Variants in NXF1 observed in about 807,000 individuals in gnomAD.
The protein encoded by NXF1 is nuclear RNA export factor 1.
Under a neutral mutation model 92.4 loss-of-function variants are expected in NXF1, and 43 were observed. The ratio of observed to expected loss-of-function variants is 0.47; its 90% CI spans 0.36 to 0.60. The LOEUF (loss-of-function observed/expected upper bound fraction) is 0.60. Ranked by LOEUF, NXF1 falls within the 20% of genes least tolerant of loss-of-function variation. The pLI is 0.00. For synonymous variants in NXF1, 288 were observed against 292.2 expected, an observed-to-expected ratio of 0.99 and a Z score of 0.15; for missense variants, 576 against 793.0, an observed-to-expected ratio of 0.73 and a Z score of 3.29.
intron 11 of NXF1, 74 bp from the exon 12 acceptor site, chr11:62,797,460 G>GATC: frequency 7.3e-7 from 1 of 1,361,248 alleles, no homozygotes; most frequent in Non-Finnish European, 1.0e-6. Context: ...AGAACTTTGG[G>GATC]AGGCCGAGGC....
Position 62,801,312 on chromosome 11 carries a change from T to C in NXF1, c.798+17A>G. 1.9e-6 allele frequency: 3 copies of C among 1,613,420 alleles called. No individual in the cohort carries two copies. The highest frequency in any genetic ancestry group is 2.5e-6 in the Non-Finnish European group (3 of 1,179,352). On this transcript the variant is annotated intron_variant, in intron 8 of 20. Coordinates refer to ENST00000294172, the MANE Select transcript of NXF1 (RefSeq NM_006362.5). ...CACCCTGCTTCCTCATGCCTAATAC[T>C]GGGCCAAAGGCCTTACCTCAGGGAT...
rs573960061 is a variant in NXF1 at position 62,800,871 on chromosome 11, G to T, written c.906+223C>A. ...TGCAGCCTTGAACTCCTGAGCTCAA[G>T]CAATCCTCCCACCTCAGCCCCCTGG... On this transcript the variant is annotated intron_variant, in intron 9 of 20. Coordinates refer to ENST00000294172, the MANE Select transcript of NXF1 (RefSeq NM_006362.5). 4.9e-4 allele frequency among the ~76,000 whole-genome samples: 75 copies of T among 152,288 alleles called. 1 individual carries two copies. Among genetic ancestry groups the T allele is most frequent in the Middle Eastern group, 6.8e-3 (2 of 294 alleles).
intron 10 of NXF1, chr11:62,800,109 G>T: frequency 7.6e-7 from 1 of 1,321,676 alleles, no homozygotes. Flanking sequence ...AGGGTAGGGA[G>T]ATTCTAGAAA....
intron 7 of NXF1, 61 bp from the exon 8 acceptor site, chr11:62,801,478 G>A (rs1217910863): frequency 1.2e-5 from 20 of 1,605,358 alleles, no homozygotes; most frequent in Non-Finnish European, 1.7e-5. Flanking sequence ...GCCAGCATTA[G>A]CAGTAAAACA....
In NXF1 at chr11:62,793,819, TAA is replaced by T. The variant is rs56389050; in HGVS notation, c.1760+437_1760+438del. 9.9e-4 allele frequency among the ~76,000 whole-genome samples: 86 copies of T among 86,496 alleles called. 1 individual carries two copies. Among genetic ancestry groups the T allele is most frequent in the East Asian group, 3.5e-3 (11 of 3,102 alleles). 56.7% of individuals were successfully genotyped at this position (86,496 alleles called of 152,430 possible). Reference sequence around the variant, plus strand: ...CAACATGATGAAAGCCCGTCTCTACTAAAAAAAAAAAAAAAAAAAAAAAATAC... The same window carrying T: ...CAACATGATGAAAGCCCGTCTCTACTAAAAAAAAAAAAAAAAAAAAAATAC... On this transcript the variant is annotated intron_variant, in intron 19 of 20. Coordinates refer to ENST00000294172, the MANE Select transcript of NXF1 (RefSeq NM_006362.5).
chr11:62,800,667 A>G (rs2084469318), intron 9 of NXF1, among the ~76,000 whole-genome samples, 181 bp from the exon 10 acceptor site: 1 of 148,944 alleles, frequency 6.7e-6, no homozygotes, highest in Non-Finnish European at 1.5e-5. Context: ...CCGTGGCATG[A>G]TCATAGTTCA....
chr11:62,798,865 GC>G, intron 10 of NXF1: 3 of 1,232,122 alleles, frequency 2.4e-6, no homozygotes, highest in Non-Finnish European at 2.0e-6. Flanking sequence ...TCCCCTCCCT[GC>G]CCCCCTTACC....
intron 18 of NXF1, 39 bp downstream of exon 18, chr11:62,794,896 A>C: frequency 6.3e-7 from 1 of 1,590,452 alleles, no homozygotes; most frequent in Non-Finnish European, 8.6e-7. Context: ...TTGGCCATGG[A>C]TTAGGACTGG....
chr11:62,798,932 G>A (rs562427771), intron 10 of NXF1: 1 of 1,082,254 alleles, frequency 9.2e-7, no homozygotes, highest in Non-Finnish European at 1.1e-6. Flanking sequence ...GGAGCCCAGG[G>A]GCTCCGCTGC....
chr11:62,795,790 G>A (rs903255490), intron 17 of NXF1, 111 bp downstream of exon 17: 2 of 1,037,656 alleles, frequency 1.9e-6, no homozygotes, highest in Non-Finnish European at 3.0e-6. Context: ...ATGGGAGAAG[G>A]AGCTCAAAAA....
chr11:62,805,387 C>G lies in NXF1; in HGVS notation c.-31G>C. ...AGCGAAGATCAAGGGCGGGCTCAGG[C>G]GCTGGCCGCTACGCCGGCAAACAAC... On this transcript the variant is annotated 5_prime_UTR_variant, in exon 1 of 21. Coordinates refer to ENST00000294172, the MANE Select transcript of NXF1 (RefSeq NM_006362.5). 1.2e-6 allele frequency: 2 copies of G among 1,610,370 alleles called. No homozygotes were observed. The highest frequency in any genetic ancestry group is 1.7e-6 in the Non-Finnish European group (2 of 1,178,474).
chr11:62,802,689 G>T (rs536942138), intron 3 of NXF1, among the ~76,000 whole-genome samples: 1 of 152,092 alleles, frequency 6.6e-6, no homozygotes, highest in South Asian at 2.1e-4. Flanking sequence ...CCTCCACCTC[G>T]GCCTCTCAAA....
At chr11:62,803,112 A>T (rs2084497745) in intron 3 of NXF1, among the ~76,000 whole-genome samples, 1 of 152,096 alleles carries the variant, frequency 6.6e-6, no homozygotes, top group Non-Finnish European at 1.5e-5. Context: ...TGACGTCAGG[A>T]GTTCGAGACC....
chr11:62,805,320 A>T lies in NXF1; in HGVS notation c.28+9T>A, dbSNP rs769807809. The T allele has an allele frequency of 6.2e-7, 1 of 1,607,584 alleles. No individual in the cohort carries two copies. The highest frequency in any genetic ancestry group is 8.5e-7 in the Non-Finnish European group (1 of 1,177,380). On this transcript the variant is annotated intron_variant, in intron 1 of 20. Coordinates refer to ENST00000294172, the MANE Select transcript of NXF1 (RefSeq NM_006362.5). The stretch of plus-strand genomic sequence containing the variant: ...ATAGCCAGTTCCCGACCCGAAGACC[A>T]GCACTTACCGCTGTACGACTTCCCC...
rs1468616392 is a variant in NXF1 at position 62,792,386 on chromosome 11, G to T, written c.*90C>A. 2 of 1,534,608 alleles carry T rather than the reference G, an allele frequency of 1.3e-6. No homozygotes were observed. Among genetic ancestry groups the T allele is most frequent in the Non-Finnish European group, 1.8e-6 (2 of 1,108,488 alleles). Reference sequence around the variant, plus strand: ...CGGTCACAGTCACGGGGCGGCCTCGGGCCAGACAGGAGGAGATGACAGACG... The same window carrying T: ...CGGTCACAGTCACGGGGCGGCCTCGTGCCAGACAGGAGGAGATGACAGACG... On this transcript the variant is annotated 3_prime_UTR_variant, in exon 21 of 21. Transcript: ENST00000294172.
At chr11:62,797,463 G>A (rs775036935) in intron 11 of NXF1, 77 bp from the exon 12 acceptor site, 1 of 1,296,156 alleles carries the variant, frequency 7.7e-7, no homozygotes, top group Admixed American at 2.1e-5. Context: ...ACTTTGGGAG[G>A]CCGAGGCAGG....
intron 3 of NXF1, among the ~76,000 whole-genome samples, chr11:62,803,116 C>T (rs531221594): frequency 6.6e-6 from 1 of 152,042 alleles, no homozygotes; most frequent in African/African-American, 2.4e-5. Context: ...GTCAGGAGTT[C>T]GAGACCAGCC....
At position 62,798,910 on chromosome 11, in the gene NXF1, G is replaced by C. The variant is rs2084449330; in HGVS notation, c.1017-335C>G. Reference sequence around the variant, plus strand: ...ACTCACCTGTGCAGCCCCGGGAGGAGGGAATGGGGTGGGAGCCCAGGGGCT... The same window carrying C: ...ACTCACCTGTGCAGCCCCGGGAGGACGGAATGGGGTGGGAGCCCAGGGGCT... On this transcript the variant is annotated intron_variant, in intron 10 of 20. Coordinates refer to ENST00000294172, the MANE Select transcript of NXF1 (RefSeq NM_006362.5). 4 of 1,117,346 alleles carry C rather than the reference G, an allele frequency of 3.6e-6. No individual in the cohort carries two copies. The African/African-American group carries it at 4.9e-5, about 14-fold the overall frequency. The allele number at this position is 1,117,346 out of a possible 1,614,324, so 69.2% of individuals were successfully genotyped here.
rs757005579 is a variant in NXF1 at position 62,805,370 on chromosome 11, T to G, written c.-14A>C. 2 of 1,611,122 alleles carry G rather than the reference T, an allele frequency of 1.2e-6. No individual in the cohort carries two copies. The highest frequency in any genetic ancestry group is 8.5e-7 in the Non-Finnish European group (1 of 1,178,762). The stretch of plus-strand genomic sequence containing the variant: ...CTCGTCCGCCATGCCACAGCGAAGA[T>G]CAAGGGCGGGCTCAGGCGCTGGCCG... On this transcript the variant is annotated 5_prime_UTR_variant, in exon 1 of 21. Transcript: ENST00000294172.
Sources: gnomAD v4.1 joint callset for allele counts (sites outside exome capture counted in the v4.1 genomes callset) on GRCh38, gnomAD v4.1.1 for gene constraint, MANE v1.5 for transcripts, NCBI Gene and HGNC (gene_info 2026-07-23, HGNC 2026-07-21) for gene names.